Variants in CCNI2 observed in about 807,000 individuals in gnomAD.
CCNI2 encodes the protein cyclin-I2.
A neutral mutation model predicts 33.2 loss-of-function variants in CCNI2; 32 were observed. The observed-to-expected ratio is 0.96, with a 90% CI of 0.73 to 1.30. The LOEUF is 1.30. Ranked by LOEUF, CCNI2 falls within the 50% of genes most tolerant of loss-of-function variation. The pLI is 0.00. For synonymous variants in CCNI2, 231 were observed against 219.9 expected, an observed-to-expected ratio of 1.05 and a Z score of -0.45; for missense variants, 452 against 486.2, an observed-to-expected ratio of 0.93 and a Z score of 0.66.
chr5:132,752,842 G>A (rs777850833), intron 5 of CCNI2, 24 bp from the exon 6 acceptor site: 17 of 1,589,702 alleles, frequency 1.1e-5, no homozygotes, highest in Non-Finnish European at 6.0e-6. Flanking sequence ...TCTGCTTGAA[G>A]ATGGCCACTC....
At chr5:132,748,319 T>C (rs751723740) in intron 1 of CCNI2, 28 bp from the exon 2 acceptor site, 2 of 1,612,840 alleles carry the variant, frequency 1.2e-6, no homozygotes, top group Non-Finnish European at 8.5e-7. Context: ...GCGACCTTCC[T>C]CGCCCCACCT....
At chr5:132,752,325 GTC>G in intron 5 of CCNI2, 129 bp downstream of exon 5, 1 of 1,135,716 alleles carries the variant, frequency 8.8e-7, no homozygotes, top group Admixed American at 2.8e-5. Flanking sequence ...CCTGGAAAGA[GTC>G]TGCCCAAAGG....
rs1183420359 is a variant in CCNI2 at position 132,747,854 on chromosome 5, G to A, written c.359G>A (p.Arg120His). 4 of 1,470,786 alleles carry A rather than the reference G, an allele frequency of 2.7e-6. No homozygotes were observed. Among genetic ancestry groups the A allele is most frequent in the Non-Finnish European group, 3.6e-6 (4 of 1,118,632 alleles). 91.1% of individuals were successfully genotyped at this position (1,470,786 alleles called of 1,614,324 possible). A position where few individuals can be genotyped will look rare whatever the true frequency, so the allele number is the denominator to read the frequency against. ...AACCTGGAAGGCGACCTGGACGAGC[G>A]CCGGCTGCTCTGCCACTTGCAGCTG... ...PRNLEGDLDE[R>H]RLLCHLQLAQ... Residue 120 changes from arginine (R) to histidine (H), a missense_variant, in exon 1 of 6, where the codon CGC becomes CAC. By Grantham distance (29) the Arg-to-His change is conservative. Transcript: ENST00000378731. The surrounding 1 kb of genome is among the most constrained non-coding windows in gnomAD (Gnocchi z 4.1).
chr5:132,750,171 T>A (rs2149935745), intron 3 of CCNI2, among the ~76,000 whole-genome samples: 1 of 152,362 alleles, frequency 6.6e-6, no homozygotes, highest in African/African-American at 2.4e-5. Context: ...ATAGAATTAA[T>A]GCCCAAGTTG....
chr5:132,755,072 T>A (rs957790007), downstream of CCNI2, among the ~76,000 whole-genome samples: 3 of 151,830 alleles, frequency 2.0e-5, no homozygotes, highest in Admixed American at 2.0e-4. Context: ...TCCTGGAGAG[T>A]CTCTGTCCTT....
In CCNI2 at chr5:132,753,151, A is replaced by T; in HGVS notation, c.*181A>T. ...AAAATAAAGGGGAGAGGGGAAAGGCAGGCTGAGGTCAGTAGAGGTCAGGGT... is the reference window on the plus strand; with the variant it reads ...AAAATAAAGGGGAGAGGGGAAAGGCTGGCTGAGGTCAGTAGAGGTCAGGGT... On this transcript the variant is annotated 3_prime_UTR_variant, in exon 6 of 6. Coordinates refer to ENST00000378731, the MANE Select transcript of CCNI2 (RefSeq NM_001039780.4). 1 of 609,726 alleles carries T rather than the reference A, an allele frequency of 1.6e-6. No individual in the cohort carries two copies. The highest frequency in any genetic ancestry group is 2.9e-6 in the Non-Finnish European group (1 of 343,948). 37.8% of individuals were successfully genotyped at this position (609,726 alleles called of 1,614,324 possible). A position where few individuals can be genotyped will look rare whatever the true frequency, so the allele number is the denominator to read the frequency against.
intron 3 of CCNI2, among the ~76,000 whole-genome samples, chr5:132,750,489 G>C (rs570356132): frequency 6.6e-6 from 1 of 152,292 alleles, no homozygotes; most frequent in South Asian, 2.1e-4. Flanking sequence ...CAGTACCCAC[G>C]GTAGGGATCA....
chr5:132,751,110 C>A, intron 4 of CCNI2, 113 bp downstream of exon 4: 1 of 1,233,612 alleles, frequency 8.1e-7, no homozygotes, highest in Non-Finnish European at 1.1e-6. Flanking sequence ...TGCACATGCA[C>A]CACAGTGAGG....
chr5:132,748,363 C>T lies in CCNI2; in HGVS notation c.446C>T (p.Ala149Val), dbSNP rs760273104. ...GGKPQDEICD[A>V]FEEVVLWLLR... ...TCCTAGCAGGATGAAATCTGCGACG[C>T]CTTCGAGGAAGTCGTGCTGTGGCTC... Residue 149 changes from alanine to valine, a missense_variant, in exon 2 of 6, where the codon GCC (alanine) becomes GTC (valine). Physicochemically the swap from Ala to Val is moderately conservative, Grantham distance 64. Transcript: ENST00000378731. The T allele has an allele frequency of 1.2e-6, 2 of 1,614,000 alleles. No individual in the cohort carries two copies. The highest frequency in any genetic ancestry group is 1.7e-5 in the Admixed American group (1 of 59,948).
At position 132,751,954 on chromosome 5, in the gene CCNI2, C is replaced by T; in HGVS notation, c.775-12C>T. On this transcript the variant is annotated splice_polypyrimidine_tract_variant and intron_variant, in intron 4 of 5. Coordinates refer to ENST00000378731, the MANE Select transcript of CCNI2 (RefSeq NM_001039780.4). Reference sequence around the variant, plus strand: ...CGTTTTCTGTTCTAACATTAAAAACCATGGTCTCCAGTTCCATGCCCTGGT... The same window carrying T: ...CGTTTTCTGTTCTAACATTAAAAACTATGGTCTCCAGTTCCATGCCCTGGT... The T allele has an allele frequency of 6.2e-7, 1 of 1,600,068 alleles. No individual in the cohort carries two copies. Among genetic ancestry groups the T allele is most frequent in the East Asian group, 2.2e-5 (1 of 44,558 alleles).
downstream of CCNI2, chr5:132,754,617 G>A: frequency 1.5e-6 from 1 of 663,994 alleles, no homozygotes; most frequent in Non-Finnish European, 2.8e-6. Flanking sequence ...CTCTTCTATA[G>A]GGAAGCTCAC....
In CCNI2 at chr5:132,754,312, C is replaced by G. The variant is rs1403189249; in HGVS notation, c.*1342C>G. On this transcript the variant is annotated 3_prime_UTR_variant, in exon 6 of 6. Coordinates refer to ENST00000378731, the MANE Select transcript of CCNI2 (RefSeq NM_001039780.4). ...ATGGAGATGCTGAGGCCATGCTGCT[C>G]ACAGCTTCCAGTGGTGGCCGTTGAG... 3 of 687,308 alleles carry G rather than the reference C, an allele frequency of 4.4e-6. No individual in the cohort carries two copies. In the Admixed American group the frequency reaches 6.3e-5, roughly 14 times the overall value. 42.6% of individuals were successfully genotyped at this position (687,308 alleles called of 1,614,324 possible).
Position 132,753,073 on chromosome 5 carries a change from G to A in CCNI2, c.*103G>A. The A allele has an allele frequency of 1.1e-6, 1 of 936,520 alleles. No individual in the cohort carries two copies. Among genetic ancestry groups the A allele is most frequent in the Non-Finnish European group, 1.7e-6 (1 of 603,912 alleles). The allele number at this position is 936,520 out of a possible 1,614,324, so 58.0% of individuals were successfully genotyped here. On this transcript the variant is annotated 3_prime_UTR_variant, in exon 6 of 6. Transcript: ENST00000378731. ...TGTTATGAATCCTGTAAAAAGGGAA[G>A]GTGGCTCTGGAAGAGCAACTGAGAA... is the stretch of plus-strand genomic sequence containing the variant.
rs185878684 is a variant in CCNI2 at position 132,753,260 on chromosome 5, C to T, written c.*290C>T. 1 of 371,542 alleles carries T rather than the reference C, an allele frequency of 2.7e-6. No individual in the cohort carries two copies. Among genetic ancestry groups the T allele is most frequent in the Admixed American group, 3.8e-5 (1 of 26,190 alleles). The allele number at this position is 371,542 out of a possible 1,614,324, so 23.0% of individuals were successfully genotyped here. On this transcript the variant is annotated 3_prime_UTR_variant, in exon 6 of 6. Transcript: ENST00000378731. ...GTATGAATGAATGTTCAAATGGCAG[C>T]TTGTTTTACCTTCCTTCTCCAGCAA...
At chr5:132,748,255 C>A in intron 1 of CCNI2, 92 bp from the exon 2 acceptor site, 11 of 1,536,768 alleles carry the variant, frequency 7.2e-6, no homozygotes, top group Non-Finnish European at 8.8e-6. Flanking sequence ...CTGCCCCACC[C>A]CCCGCACCTT....
chr5:132,751,876 G>A, intron 4 of CCNI2, 90 bp from the exon 5 acceptor site: 1 of 1,433,536 alleles, frequency 7.0e-7, no homozygotes, highest in Non-Finnish European at 9.5e-7. Context: ...GATGTTCCCT[G>A]ATGGAAATTT....
downstream of CCNI2, among the ~76,000 whole-genome samples, chr5:132,754,919 G>A (rs1169567774): frequency 2.0e-5 from 3 of 152,212 alleles, no homozygotes; most frequent in Admixed American, 1.3e-4. Flanking sequence ...CAGAAAGAAA[G>A]GTAGGTGGGC....
intron 4 of CCNI2, chr5:132,751,735 T>C: frequency 1.7e-6 from 1 of 588,184 alleles, no homozygotes; most frequent in Middle Eastern, 4.5e-4. Context: ...CTCATAACGA[T>C]GATGTCACAA....
chr5:132,751,834 T>C (rs1473079443), intron 4 of CCNI2, 132 bp from the exon 5 acceptor site: 8 of 1,097,152 alleles, frequency 7.3e-6, no homozygotes, highest in Non-Finnish European at 9.1e-6. Context: ...TACGGAGCCA[T>C]GGATAGGAAT....
Sources: allele counts gnomAD v4.1 joint callset (sites outside exome capture counted in the v4.1 genomes callset), GRCh38; gene constraint gnomAD v4.1.1; non-coding constraint Gnocchi (gnomAD v3.1); transcripts MANE v1.5; gene names NCBI Gene and HGNC (gene_info 2026-07-23, HGNC 2026-07-21).